NXPE2: variants seen among roughly 807,000 people sequenced by gnomAD.
NXPE2 encodes the protein neurexophilin and PC-esterase domain family member 2.
Under a neutral mutation model 34.4 loss-of-function variants are expected in NXPE2, and 34 were observed. The ratio of observed to expected loss-of-function variants is 0.99; its 90% CI spans 0.75 to 1.31. NXPE2 has a LOEUF of 1.31. NXPE2 is among the 40% of genes most tolerant of loss of function. The probability of loss-of-function intolerance (pLI) is 0.00; values close to 1 mark genes in which losing one functional copy is unlikely to be tolerated. For synonymous variants in NXPE2, 235 were observed against 231.3 expected (o/e 1.02, Z -0.15); for missense variants, 649 against 672.5 (o/e 0.97, Z 0.39).
chr11:114,746,883 CA>C, the NXPE2 span, among the ~76,000 whole-genome samples: 41,031 of 126,536 alleles, frequency 0.32, 5,917 homozygotes, highest in Middle Eastern at 0.42. Flanking sequence ...AAGCCAAAAC[CA>C]AAAAAAAAAA....
At chr11:114,752,126 C>G in the NXPE2 span, among the ~76,000 whole-genome samples, 1 of 152,180 alleles carries the variant, frequency 6.6e-6, no homozygotes, top group Admixed American at 6.5e-5. Context: ...GAAGGAAGCA[C>G]TGAGGGAAGT....
upstream of NXPE2, among the ~76,000 whole-genome samples, chr11:114,677,663 A>G (rs1249352091): frequency 4.6e-5 from 7 of 152,122 alleles, no homozygotes; most frequent in Non-Finnish European, 1.0e-4. Flanking sequence ...TATGGTGGCT[A>G]GAGGTGCTGG....
the NXPE2 span, among the ~76,000 whole-genome samples, chr11:114,661,221 AG>A: frequency 2.0e-5 from 3 of 152,186 alleles, no homozygotes; most frequent in Non-Finnish European, 4.4e-5. Flanking sequence ...AAAATCCAGT[AG>A]GGTACTTTTT....
At chr11:114,808,565 T>G in the NXPE2 span, among the ~76,000 whole-genome samples, 1 of 71,296 alleles carries the variant, frequency 1.4e-5, no homozygotes, top group Non-Finnish European at 2.9e-5. Context: ...ACTACAAACA[T>G]CTCTACGCAA....
At chr11:114,464,586 A>G in the NXPE2 span, among the ~76,000 whole-genome samples, 1 of 152,236 alleles carries the variant, frequency 6.6e-6, no homozygotes, top group African/African-American at 2.4e-5. Flanking sequence ...TCAGTTAAAA[A>G]TGAAAATTTA....
At chr11:114,526,195 C>A in the NXPE2 span, among the ~76,000 whole-genome samples, 1 of 152,202 alleles carries the variant, frequency 6.6e-6, no homozygotes, top group South Asian at 2.1e-4. Context: ...CCCCTGGAGC[C>A]TCCAGGAAGG....
intron 3 of NXPE2, among the ~76,000 whole-genome samples, chr11:114,700,195 T>C (rs1951339308): frequency 6.6e-6 from 1 of 152,036 alleles, no homozygotes. Context: ...AAAAAGTAAA[T>C]AAACAGATTT....
the NXPE2 span, among the ~76,000 whole-genome samples, chr11:114,546,395 A>G: frequency 1.7e-4 from 26 of 152,276 alleles, 1 homozygote; most frequent in South Asian, 2.9e-3. Context: ...ATAGATTGAA[A>G]TGGATATTTT....
At chr11:114,574,651 T>C in the NXPE2 span, among the ~76,000 whole-genome samples, 1 of 152,022 alleles carries the variant, frequency 6.6e-6, no homozygotes, top group African/African-American at 2.4e-5. Flanking sequence ...ACCAGGAAGA[T>C]ATAGAATCTC....
the NXPE2 span, among the ~76,000 whole-genome samples, chr11:114,607,195 T>G: frequency 1.3e-5 from 2 of 151,914 alleles, no homozygotes; most frequent in Admixed American, 1.3e-4. Context: ...GTGACAATTC[T>G]TACCCTGTGG....
the NXPE2 span, among the ~76,000 whole-genome samples, chr11:114,796,907 A>G: frequency 1.3e-5 from 2 of 152,374 alleles, no homozygotes; most frequent in East Asian, 3.9e-4. Context: ...TTCCAGGCAG[A>G]TGGAAAAGTA....
At chr11:114,662,755 C>G in the NXPE2 span, among the ~76,000 whole-genome samples, 5 of 152,140 alleles carry the variant, frequency 3.3e-5, no homozygotes, top group African/African-American at 9.7e-5. Flanking sequence ...GCTGCCGTTC[C>G]AGGCCCTAGC....
the NXPE2 span, among the ~76,000 whole-genome samples, chr11:114,597,506 A>T: frequency 6.6e-6 from 1 of 152,212 alleles, no homozygotes; most frequent in Non-Finnish European, 1.5e-5. Context: ...TTTTTGATGG[A>T]TAAATATGCA....
chr11:114,668,666 G>A, the NXPE2 span, among the ~76,000 whole-genome samples: 2 of 151,992 alleles, frequency 1.3e-5, no homozygotes, highest in Non-Finnish European at 2.9e-5. Flanking sequence ...GAAGATAAAT[G>A]GGAGTGGGCA....
At chr11:114,767,917 T>G in the NXPE2 span, among the ~76,000 whole-genome samples, 1 of 152,164 alleles carries the variant, frequency 6.6e-6, no homozygotes, top group South Asian at 2.1e-4. Flanking sequence ...ATTAGCTATC[T>G]GACGGGCTGT....
At chr11:114,663,583 TATC>T in the NXPE2 span, among the ~76,000 whole-genome samples, 7 of 143,250 alleles carry the variant, frequency 4.9e-5, no homozygotes, top group Admixed American at 3.5e-4. Context: ...CATCTCTATC[TATC>T]ATCTATCTAT....
the NXPE2 span, among the ~76,000 whole-genome samples, chr11:114,618,202 A>C: frequency 2.0e-5 from 3 of 151,262 alleles, no homozygotes; most frequent in African/African-American, 7.3e-5. Flanking sequence ...GTATTGCCTC[A>C]TTGGTCACCA....
the NXPE2 span, among the ~76,000 whole-genome samples, chr11:114,633,145 T>C: frequency 2.1e-3 from 262 of 126,208 alleles, 1 homozygote; most frequent in African/African-American, 7.7e-3. Flanking sequence ...TATATTATTT[T>C]ATATATTTGG....
the NXPE2 span, among the ~76,000 whole-genome samples, chr11:114,793,875 G>A: frequency 6.6e-6 from 1 of 151,920 alleles, no homozygotes; most frequent in Non-Finnish European, 1.5e-5. Flanking sequence ...TTCTCTGCAG[G>A]GCACCTATGC....
Sources: gnomAD v4.1 joint callset for allele counts (sites outside exome capture counted in the v4.1 genomes callset) on GRCh38, gnomAD v4.1.1 for gene constraint, MANE v1.5 for transcripts, NCBI Gene and HGNC (gene_info 2026-07-23, HGNC 2026-07-21) for gene names.